Variants in FCGR2B observed in about 807,000 individuals in gnomAD.
FCGR2B encodes Fc gamma receptor IIb, also known as low affinity immunoglobulin gamma Fc region receptor II-b.
Under a neutral mutation model 24.8 loss-of-function variants are expected in FCGR2B, and 18 were observed. The observed-to-expected ratio is 0.73, with a 90% CI of 0.50 to 1.08. The LOEUF (loss-of-function observed/expected upper bound fraction) is 1.08, where lower values mean the gene tolerates loss of function less well. Among genes scored for constraint, FCGR2B ranks in the 50% least tolerant of loss-of-function variants. FCGR2B has a pLI of 0.00. For missense variants in FCGR2B, 215 were observed against 297.6 expected (o/e 0.72, Z 2.04); for synonymous variants, 79 against 109.8 (o/e 0.72, Z 1.75).
chr1:161,671,029 G>A (rs560044605), intron 2 of FCGR2B, among the ~76,000 whole-genome samples: 1 of 152,204 alleles, frequency 6.6e-6, no homozygotes, highest in South Asian at 2.1e-4. Flanking sequence ...AGAAAAGTTA[G>A]TCTCGAAAGA....
chr1:161,677,004 T>A, intron 6 of FCGR2B: 5 of 402,944 alleles, frequency 1.2e-5, no homozygotes, highest in East Asian at 5.4e-5. Flanking sequence ...AACACCCCCC[T>A]CCCCCACCTC....
chr1:161,677,718 A>C lies in FCGR2B; in HGVS notation c.*165A>C, dbSNP rs1004577050. 1 of 602,380 alleles carries C rather than the reference A, an allele frequency of 1.7e-6. No homozygotes were observed. The highest frequency in any genetic ancestry group is 2.9e-6 in the Non-Finnish European group (1 of 343,238). The allele number at this position is 602,380 out of a possible 1,614,324, so 37.3% of individuals were successfully genotyped here. A position where few individuals can be genotyped will look rare whatever the true frequency, so the allele number is the denominator to read the frequency against. ...GAGTCCTGAAGCTCCCTGTCCTGAA[A>C]GCCACAGACAATATGGTCCCAAATA... is the stretch of plus-strand genomic sequence containing the variant. On this transcript the variant is annotated 3_prime_UTR_variant, in exon 8 of 8. Coordinates refer to ENST00000358671, the MANE Select transcript of FCGR2B (RefSeq NM_001394477.1).
At chr1:161,677,176 T>C in intron 6 of FCGR2B, 152 bp from the exon 7 acceptor site, 1 of 738,206 alleles carries the variant, frequency 1.4e-6, no homozygotes, top group Non-Finnish European at 2.4e-6. Context: ...TGAGGTCATA[T>C]TTACCCAGTG....
the FCGR2B span, among the ~76,000 whole-genome samples, chr1:161,654,434 C>T: frequency 7.3e-6 from 1 of 136,924 alleles, no homozygotes; most frequent in South Asian, 2.4e-4. Context: ...TTTTCCTGTG[C>T]CCTGGGCCCT....
intron 6 of FCGR2B, 98 bp downstream of exon 6, chr1:161,675,411 GC>G: frequency 1.2e-6 from 1 of 822,838 alleles, no homozygotes; most frequent in Non-Finnish European, 1.9e-6. Flanking sequence ...TCAGCTGGGA[GC>G]CAGGGAGGGA....
chr1:161,674,942 T>C, intron 5 of FCGR2B: 5 of 287,124 alleles, frequency 1.7e-5, no homozygotes. Context: ...GATAAGTAAA[T>C]ACAGAGAAAC....
At chr1:161,673,256 G>A (rs765836050) in intron 4 of FCGR2B, 27 bp downstream of exon 4, 11 of 1,538,956 alleles carry the variant, frequency 7.1e-6, no homozygotes, top group Non-Finnish European at 8.8e-6. Context: ...AAGATGTAAG[G>A]AGGGGAGAAG....
At chr1:161,677,217 A>T (rs1682222550) in intron 6 of FCGR2B, 111 bp from the exon 7 acceptor site, 1 of 994,796 alleles carries the variant, frequency 1.0e-6, no homozygotes, top group Non-Finnish European at 1.6e-6. Context: ...CAGGGTCAGC[A>T]GTGCTTGCTT....
Position 161,677,554 on chromosome 1 carries a change from T to C in FCGR2B, c.*1T>C, listed in dbSNP as rs375742186. The C allele has an allele frequency of 1.9e-6, 3 of 1,605,796 alleles. No homozygotes were observed. The highest frequency in any genetic ancestry group is 3.3e-4 in the Middle Eastern group (2 of 6,036). ...GCCTGATGACCAGAACCGTATTTAG[T>C]CTCCATTGTCTTGCATTGGGATTTG... On this transcript the variant is annotated 3_prime_UTR_variant, in exon 8 of 8. Coordinates refer to ENST00000358671, the MANE Select transcript of FCGR2B (RefSeq NM_001394477.1).
chr1:161,648,510 A>T, the FCGR2B span, among the ~76,000 whole-genome samples: 1 of 149,976 alleles, frequency 6.7e-6, no homozygotes, highest in Non-Finnish European at 1.5e-5. Flanking sequence ...GGTCATTTGG[A>T]TATCCTTTTT....
the FCGR2B span, among the ~76,000 whole-genome samples, chr1:161,652,288 C>CT: frequency 7.6e-5 from 10 of 130,982 alleles, 3 homozygotes; most frequent in East Asian, 2.0e-4. Context: ...GTTCTATTTT[C>CT]TTTTTTTTTA....
intron 2 of FCGR2B, 91 bp from the exon 3 acceptor site, chr1:161,671,301 G>GGCCT: frequency 6.3e-7 from 1 of 1,598,166 alleles, no homozygotes; most frequent in South Asian, 1.1e-5. Flanking sequence ...GCCCCTAGTA[G>GGCCT]GCCTACAGGT....
At chr1:161,676,068 C>G (rs1682102330) in intron 6 of FCGR2B, 1 of 231,224 alleles carries the variant, frequency 4.3e-6, no homozygotes, top group Non-Finnish European at 8.6e-6. Flanking sequence ...AGGGGCCACC[C>G]AAGCCCTGGC....
chr1:161,654,288 C>T, the FCGR2B span, among the ~76,000 whole-genome samples: 1 of 131,250 alleles, frequency 7.6e-6, no homozygotes, highest in African/African-American at 2.5e-5. Flanking sequence ...CTAGATCTCA[C>T]CCAATGGTAG....
chr1:161,647,564 T>G, the FCGR2B span, among the ~76,000 whole-genome samples: 2 of 150,594 alleles, frequency 1.3e-5, no homozygotes, highest in African/African-American at 4.9e-5. Context: ...CTCGGCCTCC[T>G]AAAGTGCTAG....
At chr1:161,649,768 A>G in the FCGR2B span, among the ~76,000 whole-genome samples, 1 of 149,770 alleles carries the variant, frequency 6.7e-6, no homozygotes, top group Admixed American at 6.7e-5. Flanking sequence ...AGGCCGTTGT[A>G]CTATTATTAT....
chr1:161,671,105 A>C (rs60388169), intron 2 of FCGR2B, among the ~76,000 whole-genome samples: 1 of 152,104 alleles, frequency 6.6e-6, no homozygotes, highest in African/African-American at 2.4e-5. Context: ...AGAGAGAGAA[A>C]GAACTGGTGA....
chr1:161,677,015 T>A, intron 6 of FCGR2B: 2 of 419,674 alleles, frequency 4.8e-6, no homozygotes, highest in Non-Finnish European at 8.5e-6. Flanking sequence ...CCCCCACCTC[T>A]TCCCCAATAT....
At chr1:161,661,135 AGAAAG>A (rs1680984982), upstream of FCGR2B, among the ~76,000 whole-genome samples, 1 of 106,678 alleles carries the variant, frequency 9.4e-6, no homozygotes, top group South Asian at 2.9e-4. Context: ...AGAAAGAAAA[AGAAAG>A]AGAAAGAAAG....
Sources: allele counts gnomAD v4.1 joint callset (sites outside exome capture counted in the v4.1 genomes callset), GRCh38; gene constraint gnomAD v4.1.1; transcripts MANE v1.5; gene names NCBI Gene and HGNC (gene_info 2026-07-23, HGNC 2026-07-21).